ATP13A5: variants seen among roughly 807,000 people sequenced by gnomAD.
The protein encoded by ATP13A5 is ATPase 13A5.
In ATP13A5, 149 loss-of-function variants were observed where a neutral mutation model predicts 150.2. The observed-to-expected ratio is 0.99, with a 90% CI of 0.87 to 1.14. The LOEUF (loss-of-function observed/expected upper bound fraction) is 1.14. ATP13A5 is among the 50% of genes most tolerant of loss of function. The pLI, the probability that ATP13A5 is intolerant of heterozygous loss-of-function variation, is 0.00. For synonymous variants in ATP13A5, 497 were observed against 522.2 expected, an observed-to-expected ratio of 0.95 and a Z score of 0.66; for missense variants, 1,383 against 1,449.3, an observed-to-expected ratio of 0.95 and a Z score of 0.74.
At chr3:193,283,262 C>T (rs948674305) in intron 27 of ATP13A5, among the ~76,000 whole-genome samples, 5 of 151,928 alleles carry the variant, frequency 3.3e-5, no homozygotes, top group African/African-American at 1.2e-4. Context: ...AACTATACAC[C>T]AAAATTAACA....
Position 193,312,041 on chromosome 3 carries a change from T to C in ATP13A5, c.2320-100A>G, listed in dbSNP as rs1010460198. The C allele has an allele frequency of 1.2e-5, 17 of 1,451,420 alleles. No individual in the cohort carries two copies. The African/African-American group carries it at 2.0e-4, about 17-fold the overall frequency. The allele number at this position is 1,451,420 out of a possible 1,614,324, so 89.9% of individuals were successfully genotyped here. On this transcript the variant is annotated intron_variant, in intron 19 of 29. Transcript: ENST00000342358. ...AGAGTTTTCATGTTGCCTAACAGTGTGAAGGTCAGCAACAAAATAATGTGT... is the reference window on the plus strand; with the variant it reads ...AGAGTTTTCATGTTGCCTAACAGTGCGAAGGTCAGCAACAAAATAATGTGT...
At chr3:193,315,321 T>C (rs1316993530) in intron 17 of ATP13A5, among the ~76,000 whole-genome samples, 1 of 152,168 alleles carries the variant, frequency 6.6e-6, no homozygotes, top group Non-Finnish European at 1.5e-5. Context: ...TTTTTTCCAG[T>C]TTCCAACTTT....
chr3:193,285,142 G>A (rs1717666485), intron 26 of ATP13A5, 26 bp from the exon 27 acceptor site: 3 of 1,577,580 alleles, frequency 1.9e-6, no homozygotes, highest in Non-Finnish European at 2.6e-6. Context: ...CAGTGTTTAT[G>A]AAACATTTGA....
chr3:193,345,950 G>A (rs9830670), intron 7 of ATP13A5, among the ~76,000 whole-genome samples: 2,546 of 152,008 alleles, frequency 0.017, 84 homozygotes, highest in African/African-American at 0.058. Context: ...TGAATGTTTG[G>A]GTTGTGTTCT....
intron 27 of ATP13A5, among the ~76,000 whole-genome samples, chr3:193,280,651 T>C (rs981496035): frequency 6.6e-6 from 1 of 152,232 alleles, no homozygotes; most frequent in African/African-American, 2.4e-5. Context: ...TCTCTGTTCT[T>C]ATTTCCAACC....
At chr3:193,313,343 G>A (rs548444861) in intron 19 of ATP13A5, 1 of 152,356 alleles carries the variant, frequency 6.6e-6, no homozygotes, top group Non-Finnish European at 1.5e-5. Flanking sequence ...TGGTCAGCCT[G>A]GAGGAAGGCA....
At chr3:193,322,075 C>T (rs1303300460) in intron 15 of ATP13A5, among the ~76,000 whole-genome samples, 1 of 152,174 alleles carries the variant, frequency 6.6e-6, no homozygotes, top group Middle Eastern at 3.2e-3. Context: ...AGGCCAAGCT[C>T]ACAGGTCATC....
chr3:193,348,473 A>G (rs936875407), intron 7 of ATP13A5, among the ~76,000 whole-genome samples: 3 of 152,200 alleles, frequency 2.0e-5, no homozygotes, highest in African/African-American at 7.2e-5. Context: ...TCAGCAATAC[A>G]GTATGCACAT....
intron 6 of ATP13A5, among the ~76,000 whole-genome samples, chr3:193,351,408 T>A (rs1326711550): frequency 9.5e-6 from 1 of 105,414 alleles, no homozygotes; most frequent in Non-Finnish European, 2.0e-5. Flanking sequence ...AATTATTTTA[T>A]GCATTCAGAG....
At position 193,362,413 on chromosome 3, in the gene ATP13A5, T is replaced by C. The variant is rs759087836; in HGVS notation, c.504A>G (p.Gly168=). 6.2e-7 allele frequency: 1 copy of C among 1,614,098 alleles called. No individual in the cohort carries two copies. The highest frequency in any genetic ancestry group is 1.1e-5 in the South Asian group (1 of 91,074). ...CTTGCTCTTCACTGGTCAGACCCAATCCAAATGTCTGATGGATGTCAGAGC... is the reference window on the plus strand; with the variant it reads ...CTTGCTCTTCACTGGTCAGACCCAACCCAAATGTCTGATGGATGTCAGAGC... ...NSCSDIHQTF[G]LGLTSEEQEV... is the part of the protein sequence containing the mutation. The change falls in exon 5 of 30, where the codon GGA becomes GGG. Residue 168 remains glycine, a synonymous_variant. Transcript: ENST00000342358.
intron 1 of ATP13A5, among the ~76,000 whole-genome samples, chr3:193,370,507 G>A (rs1713402205): frequency 6.6e-6 from 1 of 152,164 alleles, no homozygotes. Flanking sequence ...GGAAAACCAA[G>A]TTCAAATCAT....
chr3:193,320,357 G>A (rs1292639345), intron 16 of ATP13A5, among the ~76,000 whole-genome samples: 2 of 152,148 alleles, frequency 1.3e-5, no homozygotes, highest in South Asian at 2.1e-4. Context: ...AATGGGGTAC[G>A]GTGGTGGTGG....
intron 7 of ATP13A5, among the ~76,000 whole-genome samples, chr3:193,349,312 A>G (rs982324492): frequency 6.6e-6 from 1 of 152,182 alleles, no homozygotes; most frequent in Non-Finnish European, 1.5e-5. Flanking sequence ...TAAAGTTCCC[A>G]TATTAGCCAC....
At chr3:193,288,136 T>C (rs1334495935) in intron 26 of ATP13A5, among the ~76,000 whole-genome samples, 1 of 152,154 alleles carries the variant, frequency 6.6e-6, no homozygotes, top group Non-Finnish European at 1.5e-5. Flanking sequence ...AGTGGTTTCT[T>C]GAGATGGAAT....
In ATP13A5 at chr3:193,309,751, A is replaced by C. The variant is rs554282781; in HGVS notation, c.2525+887T>G. ...GTTGGCTTCTGTCCGCTAGCCAGTG[A>C]AAAACTGAGGTTCAGTCCAACCGCT... On this transcript the variant is annotated intron_variant, in intron 21 of 29. Transcript: ENST00000342358. Among the ~76,000 whole-genome samples the C allele has an allele frequency of 1.7e-3, 252 of 152,328 alleles. 2 individuals are homozygous for C. The highest frequency in any genetic ancestry group is 4.7e-3 in the African/African-American group (194 of 41,572).
intron 28 of ATP13A5, 65 bp from the exon 29 acceptor site, chr3:193,276,895 A>G (rs953315276): frequency 2.6e-6 from 3 of 1,146,620 alleles, no homozygotes; most frequent in Non-Finnish European, 3.8e-6. Flanking sequence ...AGACCATATT[A>G]ATTATTTAAT....
At chr3:193,331,797 G>A (rs899724551) in intron 11 of ATP13A5, among the ~76,000 whole-genome samples, 4 of 152,106 alleles carry the variant, frequency 2.6e-5, no homozygotes, top group East Asian at 3.8e-4. Context: ...ATTAGGCTAC[G>A]TATATTATTT....
At chr3:193,366,554 A>G (rs564149067) in intron 1 of ATP13A5, among the ~76,000 whole-genome samples, 47 of 152,236 alleles carry the variant, frequency 3.1e-4, no homozygotes, top group African/African-American at 1.1e-3. Flanking sequence ...ACAGGAGGAC[A>G]TAACAATCCC....
chr3:193,309,245 C>T (rs1174175812), intron 21 of ATP13A5, among the ~76,000 whole-genome samples: 1 of 152,144 alleles, frequency 6.6e-6, no homozygotes, highest in East Asian at 1.9e-4. Context: ...CAGATAAAGG[C>T]AAAATGCTAT....
Sources: allele counts gnomAD v4.1 joint callset (sites outside exome capture counted in the v4.1 genomes callset), GRCh38; gene constraint gnomAD v4.1.1; transcripts MANE v1.5; gene names NCBI Gene and HGNC (gene_info 2026-07-23, HGNC 2026-07-21).